FAXC: variants seen among roughly 807,000 people sequenced by gnomAD.
The protein encoded by FAXC is failed axon connections homolog.
FAXC carries 10 observed loss-of-function variants against 41.9 expected under a neutral mutation model. That is an observed-to-expected ratio of 0.24 (90% CI 0.15 to 0.41). FAXC has a LOEUF of 0.41. Among genes scored for constraint, FAXC ranks in the 10% least tolerant of loss-of-function variants. The probability of loss-of-function intolerance (pLI) is 1.00; values close to 1 mark genes in which losing one functional copy is unlikely to be tolerated. For synonymous variants in FAXC, 183 were observed against 183.8 expected (o/e 1.00, Z 0.03); for missense variants, 399 against 510.9 (o/e 0.78, Z 2.11).
chr6:99,273,208 G>A lies in FAXC; in HGVS notation c.*7956C>T, dbSNP rs1344784785. On this transcript the variant is annotated 3_prime_UTR_variant, in exon 6 of 6. Coordinates refer to ENST00000389677, the MANE Select transcript of FAXC (RefSeq NM_032511.4). ...CAGAGGGTGCAGGTAAGTGTTTCCA[G>A]GTGGTGTCCGCCCATTAGCCCCGAA... 6.6e-6 allele frequency: 1 copy of A among 152,090 alleles called. No individual in the cohort carries two copies. Among genetic ancestry groups the A allele is most frequent in the African/African-American group, 2.4e-5 (1 of 41,420 alleles). The allele number at this position is 152,090 out of a possible 1,614,324, so 9.4% of individuals were successfully genotyped here. A position where few individuals can be genotyped will look rare whatever the true frequency, so the allele number is the denominator to read the frequency against.
At chr6:99,283,531 C>A (rs1770910238) in intron 5 of FAXC, among the ~76,000 whole-genome samples, 1 of 152,198 alleles carries the variant, frequency 6.6e-6, no homozygotes, top group African/African-American at 2.4e-5. Context: ...GCTCAACCCC[C>A]ACTATGTAAA....
At position 99,272,962 on chromosome 6, in the gene FAXC, C is replaced by A. The variant is rs1045732; in HGVS notation, c.*8202G>T. 6.6e-6 allele frequency: 1 copy of A among 152,114 alleles called. No individual in the cohort carries two copies. The highest frequency in any genetic ancestry group is 3.2e-3 in the Middle Eastern group (1 of 316). The allele number at this position is 152,114 out of a possible 1,614,324, so 9.4% of individuals were successfully genotyped here. ...TCATTTACACATCAAATACATATAGCATTAAGACCAAATATACAGAATTTC... is the reference window on the plus strand; with the variant it reads ...TCATTTACACATCAAATACATATAGAATTAAGACCAAATATACAGAATTTC... On this transcript the variant is annotated 3_prime_UTR_variant, in exon 6 of 6. Coordinates refer to ENST00000389677, the MANE Select transcript of FAXC (RefSeq NM_032511.4).
rs1771533220 is a variant in FAXC, at chr6:99,297,209, G to A, written c.824-5389C>T. On this transcript the variant is annotated intron_variant, in intron 4 of 5. Transcript: ENST00000389677. Reference sequence around the variant, plus strand: ...ACTTCTGTCATGGGCAGCCACAGAGGGTTGACCAGGAGATAAGGGACACAG... The same window carrying A: ...ACTTCTGTCATGGGCAGCCACAGAGAGTTGACCAGGAGATAAGGGACACAG... 2.0e-5 allele frequency among the ~76,000 whole-genome samples: 3 copies of A among 152,110 alleles called. No individual in the cohort carries two copies. The South Asian group carries it at 6.2e-4, about 32-fold the overall frequency.
intron 4 of FAXC, among the ~76,000 whole-genome samples, chr6:99,300,089 T>C (rs145915454): frequency 9.2e-4 from 140 of 152,296 alleles, no homozygotes; most frequent in African/African-American, 3.2e-3. Context: ...TCTCGACACC[T>C]TCCTCACTGG....
At chr6:99,289,647 C>T (rs559987062) in intron 5 of FAXC, among the ~76,000 whole-genome samples, 3 of 151,310 alleles carry the variant, frequency 2.0e-5, no homozygotes, top group African/African-American at 7.3e-5. Context: ...CAGAGCAAGA[C>T]CCCATTAAAA....
chr6:99,327,531 C>T (rs1298615365), intron 3 of FAXC, among the ~76,000 whole-genome samples: 1 of 152,218 alleles, frequency 6.6e-6, no homozygotes, highest in Middle Eastern at 3.4e-3. Flanking sequence ...CCTTAGCTTA[C>T]ACCTCTACTG....
intron 5 of FAXC, among the ~76,000 whole-genome samples, chr6:99,281,834 T>C (rs944869890): frequency 3.3e-5 from 5 of 152,230 alleles, no homozygotes; most frequent in African/African-American, 1.2e-4. Context: ...ACTCCACAAC[T>C]GTGAGAAATA....
intron 4 of FAXC, among the ~76,000 whole-genome samples, chr6:99,315,884 C>T (rs1188186050): frequency 6.6e-6 from 1 of 152,078 alleles, no homozygotes; most frequent in Non-Finnish European, 1.5e-5. Context: ...CTGTATTTTT[C>T]TTCTTCTCCC....
intron 4 of FAXC, among the ~76,000 whole-genome samples, chr6:99,303,840 TC>T (rs1771810579): frequency 6.6e-6 from 1 of 152,232 alleles, no homozygotes; most frequent in African/African-American, 2.4e-5. Context: ...ACCTCTAGGC[TC>T]TTTAAGCTCT....
chr6:99,291,965 T>TAA (rs111611123), intron 4 of FAXC, 145 bp from the exon 5 acceptor site: 19 of 638,050 alleles, frequency 3.0e-5, no homozygotes, highest in Non-Finnish European at 3.4e-5. Context: ...CCCTTTTGCT[T>TAA]AAAAAAAAAT....
At chr6:99,330,459 G>A (rs1239981227) in intron 3 of FAXC, among the ~76,000 whole-genome samples, 5 of 152,170 alleles carry the variant, frequency 3.3e-5, no homozygotes, top group Non-Finnish European at 5.9e-5. Flanking sequence ...AATGCAAGGG[G>A]GACATCAGTG....
chr6:99,314,124 C>T (rs1222909098), intron 4 of FAXC, among the ~76,000 whole-genome samples: 1 of 152,150 alleles, frequency 6.6e-6, no homozygotes, highest in Non-Finnish European at 1.5e-5. Context: ...GCCTCAGCCT[C>T]CTGAGTACCC....
At chr6:99,304,477 T>C (rs1158533282) in intron 4 of FAXC, among the ~76,000 whole-genome samples, 1 of 152,172 alleles carries the variant, frequency 6.6e-6, no homozygotes, top group Non-Finnish European at 1.5e-5. Context: ...TTTCCCTTTT[T>C]ACCTTGGTTG....
At chr6:99,286,548 G>A (rs999815612) in intron 5 of FAXC, among the ~76,000 whole-genome samples, 1 of 152,204 alleles carries the variant, frequency 6.6e-6, no homozygotes, top group African/African-American at 2.4e-5. Flanking sequence ...GCTGAATGAG[G>A]TTTTTCCTAG....
In FAXC at chr6:99,316,772, C is replaced by T. The variant is rs186994868; in HGVS notation, c.823+6672G>A. ...TGTTCTCTGAGAATATTTTCACCTT[C>T]CATGAACTAAGTGATCACCCAAATA... On this transcript the variant is annotated intron_variant, in intron 4 of 5. Coordinates refer to ENST00000389677, the MANE Select transcript of FAXC (RefSeq NM_032511.4). Among the ~76,000 whole-genome samples the T allele has an allele frequency of 2.0e-5, 3 of 152,322 alleles. No homozygotes were observed. In the East Asian group the frequency reaches 5.8e-4, roughly 29 times the overall value.
At chr6:99,316,834 T>C (rs1179527032) in intron 4 of FAXC, among the ~76,000 whole-genome samples, 1 of 152,232 alleles carries the variant, frequency 6.6e-6, no homozygotes, top group Admixed American at 6.5e-5. Context: ...TTGATTGTTT[T>C]ATTCTACAGC....
chr6:99,324,468 C>T (rs918032771), intron 3 of FAXC, among the ~76,000 whole-genome samples: 2 of 152,180 alleles, frequency 1.3e-5, no homozygotes, highest in Admixed American at 6.5e-5. Flanking sequence ...AGAAAATCAA[C>T]TCTTTACCTC....
intron 2 of FAXC, among the ~76,000 whole-genome samples, chr6:99,333,956 A>C (rs1450099058): frequency 6.6e-6 from 1 of 152,230 alleles, no homozygotes; most frequent in East Asian, 1.9e-4. Flanking sequence ...TATTGACTGG[A>C]CAACTAACCA....
At chr6:99,295,385 G>A (rs1284275699) in intron 4 of FAXC, among the ~76,000 whole-genome samples, 1 of 152,224 alleles carries the variant, frequency 6.6e-6, no homozygotes, top group African/African-American at 2.4e-5. Flanking sequence ...CTGTGTGGGT[G>A]TTTCTGGATG....
Sources: allele counts gnomAD v4.1 joint callset (sites outside exome capture counted in the v4.1 genomes callset), GRCh38; gene constraint gnomAD v4.1.1; transcripts MANE v1.5; gene names NCBI Gene and HGNC (gene_info 2026-07-23, HGNC 2026-07-21).